Variants in SYN3 observed in about 807,000 individuals in gnomAD.
SYN3 encodes synapsin III, also known as synapsin-3.
A neutral mutation model predicts 65.8 loss-of-function variants in SYN3; 35 were observed. That is an observed-to-expected ratio of 0.53 (90% CI 0.41 to 0.70). The LOEUF (loss-of-function observed/expected upper bound fraction) is 0.70, where lower values mean the gene tolerates loss of function less well. SYN3 is among the 30% of genes least tolerant of loss of function. SYN3 has a pLI of 0.00. For synonymous variants in SYN3, 270 were observed against 292.9 expected (o/e 0.92, Z 0.80); for missense variants, 680 against 749.0 (o/e 0.91, Z 1.08).
chr22:32,520,040 T>G (rs912835659), intron 12 of SYN3, among the ~76,000 whole-genome samples: 7 of 152,198 alleles, frequency 4.6e-5, no homozygotes, highest in Non-Finnish European at 8.8e-5. Flanking sequence ...GAGAGCCACA[T>G]GTATAATTAC....
At position 32,680,850 on chromosome 22, in the gene SYN3, C is replaced by T. The variant is rs1005033653; in HGVS notation, c.712-84114G>A. ...TTGAGGTTCCTTCCATATATCTAGG[C>T]TATTGCTAACATCAAATGTCCCAGC... is the stretch of plus-strand genomic sequence containing the variant. On this transcript the variant is annotated intron_variant, in intron 6 of 13. Transcript: ENST00000358763. Among the ~76,000 whole-genome samples, 48 of 152,296 alleles carry T rather than the reference C, an allele frequency of 3.2e-4. No homozygotes were observed. The South Asian group carries it at 5.2e-3, about 16-fold the overall frequency.
intron 1 of SYN3, among the ~76,000 whole-genome samples, chr22:33,053,443 G>A (rs150145138): frequency 3.6e-3 from 543 of 152,294 alleles, no homozygotes; most frequent in African/African-American, 0.012. Flanking sequence ...GGATAAGTCA[G>A]TTGAGCAAGA....
intron 4 of SYN3, among the ~76,000 whole-genome samples, chr22:32,918,133 T>C (rs968216187): frequency 2.0e-5 from 3 of 152,064 alleles, no homozygotes; most frequent in Non-Finnish European, 2.9e-5. Flanking sequence ...CTTTGCAGAG[T>C]TGTAGGATTC....
chr22:32,628,050 G>T lies in SYN3; in HGVS notation c.712-31314C>A, dbSNP rs369285893. Among the ~76,000 whole-genome samples, 26 of 152,102 alleles carry T rather than the reference G, an allele frequency of 1.7e-4. No individual in the cohort carries two copies. The East Asian group carries it at 3.5e-3, about 20-fold the overall frequency. On this transcript the variant is annotated intron_variant, in intron 6 of 13. Transcript: ENST00000358763. ...TCACCGTGTTAGCTAGGATGGTCTC[G>T]ATCTCCTGACCTCGTGATCCGCCCG...
intron 3 of SYN3, among the ~76,000 whole-genome samples, chr22:32,966,801 G>A (rs1049725599): frequency 2.6e-5 from 4 of 152,130 alleles, no homozygotes; most frequent in South Asian, 2.1e-4. Context: ...CTGTCATCGC[G>A]GCTACCCAGG....
At chr22:32,871,057 G>T (rs533770264) in intron 4 of SYN3, among the ~76,000 whole-genome samples, 3 of 152,204 alleles carry the variant, frequency 2.0e-5, no homozygotes, top group Non-Finnish European at 4.4e-5. Flanking sequence ...CCCTGGCAGC[G>T]TGGGTTCCAT....
At chr22:32,785,272 C>T (rs1332402380) in intron 6 of SYN3, among the ~76,000 whole-genome samples, 2 of 152,072 alleles carry the variant, frequency 1.3e-5, no homozygotes, top group East Asian at 1.9e-4. Context: ...GACACTTGGC[C>T]CAGGGCTCTT....
At chr22:33,056,695 G>A (rs1231070533) in intron 1 of SYN3, among the ~76,000 whole-genome samples, 1 of 152,224 alleles carries the variant, frequency 6.6e-6, no homozygotes, top group African/African-American at 2.4e-5. Context: ...AACCATGACA[G>A]GTGAGTACAA....
rs564605983 is a variant in SYN3 at position 32,604,344 on chromosome 22, C to T, written c.712-7608G>A. Among the ~76,000 whole-genome samples, 3 of 152,350 alleles carry T rather than the reference C, an allele frequency of 2.0e-5. No homozygotes were observed. In the South Asian group the frequency reaches 6.2e-4, roughly 32 times the overall value. On this transcript the variant is annotated intron_variant, in intron 6 of 13. Transcript: ENST00000358763. ...CTCCCCCATGTCTTCTGTTTCATCT[C>T]ATGTGTCTCCCTCCTCCTCCTCAGC...
chr22:32,928,700 T>C (rs1421570175), intron 4 of SYN3, among the ~76,000 whole-genome samples: 3 of 152,240 alleles, frequency 2.0e-5, no homozygotes, highest in Non-Finnish European at 4.4e-5. Flanking sequence ...CTGCTTTCGG[T>C]GGTTTGGTAT....
intron 6 of SYN3, among the ~76,000 whole-genome samples, chr22:32,814,287 GGGAA>G (rs1397856882): frequency 1.8e-4 from 27 of 146,736 alleles, no homozygotes; most frequent in African/African-American, 2.8e-4. Flanking sequence ...GAGGGAGAGA[GGGAA>G]GGAAGGAAGG....
chr22:32,565,604 A>T (rs2146381379), intron 7 of SYN3, among the ~76,000 whole-genome samples: 1 of 150,574 alleles, frequency 6.6e-6, no homozygotes, highest in East Asian at 1.9e-4. Context: ...GCAGCCTGGA[A>T]CTCCTGGGCT....
intron 6 of SYN3, among the ~76,000 whole-genome samples, chr22:32,815,799 A>C (rs928244052): frequency 6.6e-6 from 1 of 151,970 alleles, no homozygotes; most frequent in African/African-American, 2.4e-5. Flanking sequence ...TTTGAGCCGG[A>C]CCTCCTGACT....
chr22:32,703,652 A>G lies in SYN3; in HGVS notation c.712-106916T>C, dbSNP rs563161747. ...ACTCCATCGCTTAAAAAAAAAAAAA[A>G]AAGAGAGAGAGAGTTTTGCCTATGT... On this transcript the variant is annotated intron_variant, in intron 6 of 13. Transcript: ENST00000358763. Among the ~76,000 whole-genome samples, 768 of 152,024 alleles carry G rather than the reference A, an allele frequency of 5.1e-3. 3 individuals carry two copies. The highest frequency in any genetic ancestry group is 0.016 in the African/African-American group (645 of 41,442).
chr22:32,675,403 C>G (rs1406690934), intron 6 of SYN3, among the ~76,000 whole-genome samples: 1 of 152,186 alleles, frequency 6.6e-6, no homozygotes, highest in Non-Finnish European at 1.5e-5. Flanking sequence ...ACATCCTCTC[C>G]TGGAATCAGA....
At chr22:32,699,245 A>C (rs1461063129) in intron 6 of SYN3, among the ~76,000 whole-genome samples, 1 of 152,160 alleles carries the variant, frequency 6.6e-6, no homozygotes, top group Non-Finnish European at 1.5e-5. Context: ...TACGTGATGG[A>C]GGGCAGGGTG....
At chr22:32,818,385 G>A (rs952311371) in intron 6 of SYN3, among the ~76,000 whole-genome samples, 3 of 152,102 alleles carry the variant, frequency 2.0e-5, no homozygotes, top group Admixed American at 1.3e-4. Context: ...GCATGGTAGT[G>A]TAGAAAAAGG....
chr22:32,989,955 C>G (rs540678567), intron 2 of SYN3, among the ~76,000 whole-genome samples: 1 of 152,002 alleles, frequency 6.6e-6, no homozygotes, highest in African/African-American at 2.4e-5. Flanking sequence ...CTCTTCATAC[C>G]ACAGAAAGGG....
chr22:32,787,804 G>A (rs1325552163), intron 6 of SYN3, among the ~76,000 whole-genome samples: 3 of 152,236 alleles, frequency 2.0e-5, no homozygotes, highest in South Asian at 2.1e-4. Context: ...CCTCCGCTGC[G>A]GCACACCTCC....
Sources: gnomAD v4.1 joint callset for allele counts (sites outside exome capture counted in the v4.1 genomes callset) on GRCh38, gnomAD v4.1.1 for gene constraint, MANE v1.5 for transcripts, NCBI Gene and HGNC (gene_info 2026-07-23, HGNC 2026-07-21) for gene names.